The following RAB11FIP2 variants were observed in gnomAD, a reference collection of about 807,000 sequenced individuals.
RAB11FIP2 encodes rab11 family-interacting protein 2.
RAB11FIP2 carries 16 observed loss-of-function variants against 40.9 expected under a neutral mutation model. That is an observed-to-expected ratio of 0.39 (90% CI 0.26 to 0.59). RAB11FIP2 has a LOEUF of 0.59. RAB11FIP2 is among the 20% of genes least tolerant of loss of function. The pLI is 0.53. For missense variants in RAB11FIP2, 532 were observed against 606.2 expected (o/e 0.88, Z 1.28); for synonymous variants, 228 against 213.7 (o/e 1.07, Z -0.58).
intron 1 of RAB11FIP2, 128 bp downstream of exon 1, chr10:118,045,683 G>A (rs1846619499): frequency 2.9e-6 from 2 of 685,966 alleles, no homozygotes; most frequent in South Asian, 2.2e-5. Flanking sequence ...TGCAAATATG[G>A]TGCTTAAAAC....
chr10:118,031,953 T>C (rs1846420343), intron 3 of RAB11FIP2, among the ~76,000 whole-genome samples: 1 of 151,958 alleles, frequency 6.6e-6, no homozygotes, highest in Non-Finnish European at 1.5e-5. Context: ...ATATCTCCCA[T>C]TAAATTATTA....
rs1468331288 is a variant in RAB11FIP2, at chr10:118,005,578, C to T, written c.*3420G>A. The T allele has an allele frequency of 6.6e-6, 1 of 152,238 alleles. No individual in the cohort carries two copies. Among genetic ancestry groups the T allele is most frequent in the East Asian group, 1.9e-4 (1 of 5,180 alleles). The allele number at this position is 152,238 out of a possible 1,614,324, so 9.4% of individuals were successfully genotyped here. On this transcript the variant is annotated 3_prime_UTR_variant, in exon 5 of 5. Transcript: ENST00000355624. ...GTGAATGAGCATGCATCATACTTCA[C>T]TTACACATACACACAAGTGACACCT...
In RAB11FIP2 at chr10:118,008,941, C is replaced by T; in HGVS notation, c.*57G>A. 2 of 1,386,086 alleles carry T rather than the reference C, an allele frequency of 1.4e-6. No individual in the cohort carries two copies. The highest frequency in any genetic ancestry group is 1.4e-5 in the African/African-American group (1 of 69,298). The allele number at this position is 1,386,086 out of a possible 1,614,324, so 85.9% of individuals were successfully genotyped here. A position where few individuals can be genotyped will look rare whatever the true frequency, so the allele number is the denominator to read the frequency against. ...TCTTTCAGTAACAAGTTTTTCCTTC[C>T]TTCCTTCTTTCTTTCTCTCTCTTTG... is the stretch of plus-strand genomic sequence containing the variant. On this transcript the variant is annotated 3_prime_UTR_variant, in exon 5 of 5. Transcript: ENST00000355624.
intron 3 of RAB11FIP2, chr10:118,018,137 C>T (rs563622259): frequency 1.2e-4 from 18 of 152,292 alleles, no homozygotes; most frequent in African/African-American, 3.6e-4. Context: ...AAGGCAGAAC[C>T]CCTCCCTTGT....
chr10:118,029,657 GA>G (rs1163960829), intron 3 of RAB11FIP2, among the ~76,000 whole-genome samples: 1 of 151,912 alleles, frequency 6.6e-6, no homozygotes, highest in Non-Finnish European at 1.5e-5. Flanking sequence ...CTGAAATTCA[GA>G]AAAAAATCAT....
At chr10:118,045,296 A>G (rs1226454189) in intron 1 of RAB11FIP2, 1 of 154,426 alleles carries the variant, frequency 6.5e-6, no homozygotes, top group Non-Finnish European at 1.4e-5. Context: ...CCATCAAGGC[A>G]CACTGACCCT....
intron 3 of RAB11FIP2, chr10:118,018,440 T>C (rs1293841291): frequency 1.3e-5 from 2 of 152,154 alleles, no homozygotes; most frequent in African/African-American, 2.4e-5. Flanking sequence ...AGGTGCAAAA[T>C]AAACCTAGAT....
chr10:118,033,458 TGTATA>T (rs1846442437), intron 3 of RAB11FIP2, among the ~76,000 whole-genome samples: 1 of 152,050 alleles, frequency 6.6e-6, no homozygotes, highest in Admixed American at 6.6e-5. Context: ...CAATAAACAT[TGTATA>T]GTAATTACTT....
Position 118,009,012 on chromosome 10 carries a change from A to C in RAB11FIP2, c.1525T>G (p.Phe509Val), listed in dbSNP as rs1432999804. 22 of 1,610,366 alleles carry C rather than the reference A, an allele frequency of 1.4e-5. No homozygotes were observed. The highest frequency in any genetic ancestry group is 1.8e-5 in the Non-Finnish European group (21 of 1,176,784). ...AATTGGCTTTATTAACTGTTAGAGA[A>C]TTTGCCAGCTTTCCTGGATGGTTCA... ...PYEPSRKAGK[F>V]SNS The change falls in exon 5 of 5, where the codon TTC becomes GTC. Residue 509 changes from phenylalanine (F) to valine (V), a missense_variant. By Grantham distance (50) the Phe-to-Val change is conservative. Transcript: ENST00000355624.
chr10:118,027,103 G>A (rs553699022), intron 3 of RAB11FIP2, among the ~76,000 whole-genome samples: 2 of 152,198 alleles, frequency 1.3e-5, no homozygotes, highest in Admixed American at 1.3e-4. Context: ...CCTAGCAAGG[G>A]CTATCGTTTC....
chr10:118,028,063 C>T (rs1846366674), intron 3 of RAB11FIP2, among the ~76,000 whole-genome samples: 1 of 152,124 alleles, frequency 6.6e-6, no homozygotes, highest in South Asian at 2.1e-4. Flanking sequence ...ATATCCCTCT[C>T]CATAGCTGGT....
At chr10:118,031,979 C>A (rs904391644) in intron 3 of RAB11FIP2, among the ~76,000 whole-genome samples, 2 of 151,874 alleles carry the variant, frequency 1.3e-5, no homozygotes, top group Admixed American at 6.6e-5. Context: ...AGAACAGCTG[C>A]CCCCCTAACA....
At chr10:118,034,054 A>T in intron 3 of RAB11FIP2, 1 of 701,248 alleles carries the variant, frequency 1.4e-6, no homozygotes, top group Non-Finnish European at 2.6e-6. Flanking sequence ...GTAAAGCCCA[A>T]ACAATAAATA....
intron 3 of RAB11FIP2, among the ~76,000 whole-genome samples, chr10:118,019,202 T>G (rs1846255820): frequency 6.6e-6 from 1 of 152,170 alleles, no homozygotes; most frequent in Non-Finnish European, 1.5e-5. Context: ...TTTAGAGTAT[T>G]ATTACACCTT....
chr10:118,027,141 C>G (rs543467912), intron 3 of RAB11FIP2, among the ~76,000 whole-genome samples: 2 of 152,268 alleles, frequency 1.3e-5, no homozygotes, highest in African/African-American at 4.8e-5. Context: ...AAACACTACC[C>G]TCAGCACTTT....
At chr10:118,013,460 AC>A (rs1268314921) in intron 4 of RAB11FIP2, among the ~76,000 whole-genome samples, 2 of 152,092 alleles carry the variant, frequency 1.3e-5, no homozygotes, top group African/African-American at 4.8e-5. Context: ...AGACATACAA[AC>A]TTAATTACAA....
intron 3 of RAB11FIP2, among the ~76,000 whole-genome samples, chr10:118,033,178 G>A (rs1269960247): frequency 6.6e-6 from 1 of 152,030 alleles, no homozygotes; most frequent in African/African-American, 2.4e-5. Flanking sequence ...GACCACTGTA[G>A]GTGATATAAT....
chr10:118,030,400 G>A (rs116900405), intron 3 of RAB11FIP2, among the ~76,000 whole-genome samples: 108 of 152,118 alleles, frequency 7.1e-4, no homozygotes, highest in African/African-American at 2.4e-3. Flanking sequence ...TATTGGACTC[G>A]CTACGTGTTA....
intron 3 of RAB11FIP2, among the ~76,000 whole-genome samples, chr10:118,016,844 A>C (rs1006846841): frequency 8.5e-5 from 13 of 152,178 alleles, no homozygotes; most frequent in African/African-American, 3.1e-4. Flanking sequence ...TGGAGATGGC[A>C]ACAGTATCTA....
Sources: gnomAD v4.1 joint callset for allele counts (sites outside exome capture counted in the v4.1 genomes callset) on GRCh38, gnomAD v4.1.1 for gene constraint, MANE v1.5 for transcripts, NCBI Gene and HGNC (gene_info 2026-07-23, HGNC 2026-07-21) for gene names.